Variants in GRID2 observed in about 807,000 individuals in gnomAD.
GRID2 encodes the protein glutamate ionotropic receptor delta type subunit 2.
In GRID2, 33 loss-of-function variants were observed where a neutral mutation model predicts 114.8. The observed-to-expected ratio is 0.29, with a 90% CI of 0.22 to 0.38. The LOEUF is 0.38. Among genes scored for constraint, GRID2 ranks in the 10% least tolerant of loss-of-function variants. GRID2 has a pLI of 1.00. For synonymous variants in GRID2, 505 were observed against 449.9 expected (o/e 1.12, Z -1.55); for missense variants, 1,184 against 1,257.7 (o/e 0.94, Z 0.89).
At chr4:93,382,886 T>C (rs759441694) in intron 8 of GRID2, among the ~76,000 whole-genome samples, 11 of 96,596 alleles carry the variant, frequency 1.1e-4, no homozygotes, top group Non-Finnish European at 1.5e-4. Flanking sequence ...TCCTAGGTTT[T>C]CCTAGGAGAA....
chr4:93,678,376 T>C (rs1353144980), intron 14 of GRID2, among the ~76,000 whole-genome samples: 1 of 152,042 alleles, frequency 6.6e-6, no homozygotes, highest in Non-Finnish European at 1.5e-5. Context: ...CAGGACAACT[T>C]CCCCAATCTA....
At chr4:92,840,035 ATCC>A (rs1476518505) in intron 2 of GRID2, among the ~76,000 whole-genome samples, 2 of 152,086 alleles carry the variant, frequency 1.3e-5, no homozygotes, top group Non-Finnish European at 2.9e-5. Context: ...AACTTGTTAT[ATCC>A]TCCTGCTGAA....
chr4:93,512,813 T>G (rs888707692), intron 12 of GRID2, among the ~76,000 whole-genome samples: 3 of 152,170 alleles, frequency 2.0e-5, no homozygotes, highest in African/African-American at 7.2e-5. Context: ...ACTCTATATT[T>G]TCAGGCTGTA....
intron 1 of GRID2, among the ~76,000 whole-genome samples, chr4:92,356,136 A>G (rs1046499007): frequency 6.6e-6 from 1 of 151,634 alleles, no homozygotes; most frequent in African/African-American, 2.4e-5. Flanking sequence ...TTTATTTGCT[A>G]ACTTTCATAT....
At chr4:92,466,573 CTATT>C (rs1254083802) in intron 1 of GRID2, among the ~76,000 whole-genome samples, 16 of 151,846 alleles carry the variant, frequency 1.1e-4, no homozygotes, top group African/African-American at 2.7e-4. Flanking sequence ...AATTCTCTAT[CTATT>C]CATTTTTTAA....
At chr4:92,959,377 T>G (rs1467038979) in intron 2 of GRID2, among the ~76,000 whole-genome samples, 1 of 152,022 alleles carries the variant, frequency 6.6e-6, no homozygotes, top group Admixed American at 6.6e-5. Flanking sequence ...CAAATTGTTA[T>G]GTTGTGTTTT....
chr4:93,562,819 C>T (rs556493953), intron 13 of GRID2, among the ~76,000 whole-genome samples: 70 of 152,090 alleles, frequency 4.6e-4, no homozygotes, highest in Admixed American at 1.5e-3. Context: ...GCCTTTGCTC[C>T]TTTGTCAAAG....
intron 2 of GRID2, among the ~76,000 whole-genome samples, chr4:92,684,322 T>C (rs922414775): frequency 8.5e-5 from 13 of 152,100 alleles, no homozygotes; most frequent in Admixed American, 8.5e-4. Context: ...ACATTTGATT[T>C]CTTGGATTTT....
intron 2 of GRID2, among the ~76,000 whole-genome samples, chr4:92,990,287 GTA>G (rs33925215): frequency 0.34 from 43,735 of 126,870 alleles, 7,829 homozygotes; most frequent in Middle Eastern, 0.46. Context: ...ATATGTGTGT[GTA>G]TATATATATA....
chr4:92,795,372 T>C (rs1005761972), intron 2 of GRID2, among the ~76,000 whole-genome samples: 21 of 151,972 alleles, frequency 1.4e-4, no homozygotes, highest in African/African-American at 5.1e-4. Flanking sequence ...TCATTTTCTG[T>C]TGCCACCACC....
intron 13 of GRID2, among the ~76,000 whole-genome samples, chr4:93,624,129 A>G (rs1321340646): frequency 6.6e-6 from 1 of 152,092 alleles, no homozygotes; most frequent in Non-Finnish European, 1.5e-5. Flanking sequence ...ATTTTTACTC[A>G]AACTATCATC....
In GRID2 at chr4:92,835,467, A is replaced by G. The variant is rs144472633; in HGVS notation, c.244+245181A>G. 5.7e-3 allele frequency among the ~76,000 whole-genome samples: 875 copies of G among 152,252 alleles called. 16 individuals carry two copies. Among genetic ancestry groups the G allele is most frequent in the African/African-American group, 0.02 (831 of 41,562 alleles). ...TCTAGTACAGAGGAAGTTCTGGTTCAGGAAATTCTACAGATAATGCTTATG... is the reference window on the plus strand; with the variant it reads ...TCTAGTACAGAGGAAGTTCTGGTTCGGGAAATTCTACAGATAATGCTTATG... On this transcript the variant is annotated intron_variant, in intron 2 of 15. Transcript: ENST00000282020.
intron 2 of GRID2, among the ~76,000 whole-genome samples, chr4:92,624,445 A>G (rs1730423466): frequency 6.6e-6 from 1 of 151,854 alleles, no homozygotes; most frequent in South Asian, 2.1e-4. Flanking sequence ...CACTGGATGT[A>G]AAGTGATTGT....
intron 2 of GRID2, among the ~76,000 whole-genome samples, chr4:92,810,218 G>C (rs1740604034): frequency 1.3e-5 from 2 of 150,240 alleles, no homozygotes; most frequent in South Asian, 4.2e-4. Flanking sequence ...TTTCTAATTT[G>C]ATGAAATTAG....
At chr4:93,722,507 C>A (rs1039347538) in intron 14 of GRID2, among the ~76,000 whole-genome samples, 1 of 152,162 alleles carries the variant, frequency 6.6e-6, no homozygotes. Context: ...CAAGTTCATA[C>A]TCTTCACACC....
intron 13 of GRID2, among the ~76,000 whole-genome samples, chr4:93,570,835 G>A (rs945881470): frequency 6.6e-6 from 1 of 152,150 alleles, no homozygotes; most frequent in Non-Finnish European, 1.5e-5. Flanking sequence ...TAGTCTAGCT[G>A]TAGATGGCTG....
intron 8 of GRID2, among the ~76,000 whole-genome samples, chr4:93,254,286 A>G (rs989346731): frequency 6.6e-6 from 1 of 152,132 alleles, no homozygotes; most frequent in African/African-American, 2.4e-5. Context: ...AATAATCAAA[A>G]GTGAGAAATG....
chr4:93,756,739 T>C (rs890342785), intron 14 of GRID2, among the ~76,000 whole-genome samples: 13 of 152,182 alleles, frequency 8.5e-5, no homozygotes, highest in Non-Finnish European at 4.4e-5. Flanking sequence ...AAACATTCAG[T>C]CCATAATAAC....
intron 4 of GRID2, among the ~76,000 whole-genome samples, chr4:93,200,417 T>A (rs1393615305): frequency 2.6e-5 from 4 of 151,864 alleles, no homozygotes; most frequent in Admixed American, 1.3e-4. Flanking sequence ...ATACAAAAAA[T>A]TAGCCGGGCG....
Sources: gnomAD v4.1 joint callset for allele counts (sites outside exome capture counted in the v4.1 genomes callset) on GRCh38, gnomAD v4.1.1 for gene constraint, MANE v1.5 for transcripts, NCBI Gene and HGNC (gene_info 2026-07-23, HGNC 2026-07-21) for gene names.